Variants in USP19 observed in about 807,000 individuals in gnomAD.
The protein encoded by USP19 is ubiquitin carboxyl-terminal hydrolase 19.
USP19 carries 40 observed loss-of-function variants against 144.8 expected under a neutral mutation model. The ratio of observed to expected loss-of-function variants is 0.28; its 90% confidence interval spans 0.21 to 0.36. The LOEUF is 0.36. USP19 is among the 10% of genes least tolerant of loss of function. USP19 has a pLI of 1.00. For synonymous variants in USP19, 701 were observed against 709.3 expected (o/e 0.99, Z 0.19); for missense variants, 1,518 against 1,822.5 (o/e 0.83, Z 3.04).
rs756070696 is a variant in USP19, at chr3:49,112,302, C to T, written c.2747G>A (p.Arg916His). 5.6e-6 allele frequency: 9 copies of T among 1,611,446 alleles called. 1 individual carries two copies. The highest frequency in any genetic ancestry group is 5.9e-6 in the Non-Finnish European group (7 of 1,178,896). The change falls in exon 19 of 27, where the codon CGT becomes CAT. Residue 916 changes from arginine to histidine, a missense_variant. Arg to His is a conservative substitution (Grantham distance 29). This residue lies in a region of USP19 where 413 missense variants were observed against 515.8 expected (regional missense o/e 0.80). Transcript: ENST00000417901. The surrounding 1 kb of genome is among the most constrained non-coding windows in gnomAD (Gnocchi z 4.9). ...EKLKRCTRCY[R>H]VGYCNQLCQK... ...TCCTCACTGGTTGCAGTAGCCCACA[C>T]GGTAGCACCGGGTACAGCGCTTCAG... is the stretch of plus-strand genomic sequence containing the variant.
At position 49,108,435 on chromosome 3, in the gene USP19, T is replaced by C; in HGVS notation, c.4132A>G (p.Ser1378Gly). ...TGCTAATCCACCTCCTCCATGTTGC[T>C]GTAGGTGGGGGCTGGCCGATCCACA... ...PPVDRPAPTY[S>G]NMEEVD The change falls in exon 27 of 27, where the codon AGC (serine) becomes GGC (glycine). Residue 1378 changes from serine (S) to glycine (G), a missense_variant. This residue lies in a region of USP19 where 118 missense variants were observed against 100.2 expected (regional missense o/e 1.18). Coordinates refer to ENST00000417901, the MANE Select transcript of USP19 (RefSeq NM_001199161.2). The surrounding 1 kb of genome is among the most constrained non-coding windows in gnomAD (Gnocchi z 4.8). 1 of 1,386,992 alleles carries C rather than the reference T, an allele frequency of 7.2e-7. No individual in the cohort carries two copies. Among genetic ancestry groups the C allele is most frequent in the East Asian group, 3.1e-5 (1 of 32,210 alleles). 85.9% of individuals were successfully genotyped at this position (1,386,992 alleles called of 1,614,324 possible). A position where few individuals can be genotyped will look rare whatever the true frequency, so the allele number is the denominator to read the frequency against.
rs758698553 is a variant in USP19 at position 49,110,797 on chromosome 3, A to G, written c.3612T>C (p.Asn1204=). ...SKQLLLWRLP[N]VLIVQLKRFS... ...AGCGCTTGAGCTGCACGATGAGAACATTTGGCAGGCGCCATAGCAACAGCT... is the reference window on the plus strand; with the variant it reads ...AGCGCTTGAGCTGCACGATGAGAACGTTTGGCAGGCGCCATAGCAACAGCT... Residue 1204 remains asparagine, a synonymous_variant, in exon 24 of 27, where the codon AAT becomes AAC. Coordinates refer to ENST00000417901, the MANE Select transcript of USP19 (RefSeq NM_001199161.2). The surrounding 1 kb of genome is among the most constrained non-coding windows in gnomAD (Gnocchi z 6.1). 8.7e-6 allele frequency: 14 copies of G among 1,614,088 alleles called. No homozygotes were observed. The highest frequency in any genetic ancestry group is 1.2e-5 in the Non-Finnish European group (14 of 1,180,056).
Position 49,118,085 on chromosome 3 carries a change from C to A in USP19, c.160G>T (p.Glu54Ter). The A allele has an allele frequency of 6.6e-7, 1 of 1,507,980 alleles. No individual in the cohort carries two copies. Among genetic ancestry groups the A allele is most frequent in the South Asian group, 1.2e-5 (1 of 85,276 alleles). The allele number at this position is 1,507,980 out of a possible 1,614,324, so 93.4% of individuals were successfully genotyped here. A position where few individuals can be genotyped will look rare whatever the true frequency, so the allele number is the denominator to read the frequency against. Residue 54 changes from glutamate (E) to a stop codon, truncating the protein, a stop_gained, in exon 3 of 27, where the codon GAA becomes TAA. Transcript: ENST00000417901. LOFTEE classifies it high-confidence loss of function. The part of the protein sequence containing the change: ...GSRYVAQAGL[E>*]PLASGDPSAS... ...GAAGGATCACCTGAGGCCAGAGGTT[C>A]AAGACCAGCCTGGGCAACATATCGA...
chr3:49,108,821 G>C lies in USP19; in HGVS notation c.4039-293C>G. 1 of 1,444,924 alleles carries C rather than the reference G, an allele frequency of 6.9e-7. No homozygotes were observed. The highest frequency in any genetic ancestry group is 1.4e-5 in the African/African-American group (1 of 69,804). 89.5% of individuals were successfully genotyped at this position (1,444,924 alleles called of 1,614,324 possible). A position where few individuals can be genotyped will look rare whatever the true frequency, so the allele number is the denominator to read the frequency against. ...ACCCTAGGATACTCTGCCCCTGCAGGGGCCACAACCTCCCCACCCTCTCCC... is the reference window on the plus strand; with the variant it reads ...ACCCTAGGATACTCTGCCCCTGCAGCGGCCACAACCTCCCCACCCTCTCCC... On this transcript the variant is annotated intron_variant, in intron 26 of 26. Coordinates refer to ENST00000417901, the MANE Select transcript of USP19 (RefSeq NM_001199161.2). The surrounding 1 kb of genome is among the most constrained non-coding windows in gnomAD (Gnocchi z 4.8).
chr3:49,109,803 A>G lies in USP19; in HGVS notation c.4038+381T>C, dbSNP rs543576122. Among the ~76,000 whole-genome samples, 9 of 152,358 alleles carry G rather than the reference A, an allele frequency of 5.9e-5. No homozygotes were observed. In the East Asian group the frequency reaches 1.7e-3, roughly 29 times the overall value. ...CAAATAGGCCTTGTCTTGAGTGCACACTAGAACTCAGGGACATCACAAGTG... is the reference window on the plus strand; with the variant it reads ...CAAATAGGCCTTGTCTTGAGTGCACGCTAGAACTCAGGGACATCACAAGTG... On this transcript the variant is annotated intron_variant, in intron 26 of 26. Transcript: ENST00000417901.
chr3:49,116,204 C>A lies in USP19; in HGVS notation c.1356-42G>T. On this transcript the variant is annotated intron_variant, in intron 9 of 26. Coordinates refer to ENST00000417901, the MANE Select transcript of USP19 (RefSeq NM_001199161.2). This position sits in a 1 kb window ranked among gnomAD's most constrained non-coding sequence, Gnocchi z 5.0. Reference sequence around the variant, plus strand: ...AACTCAGGGACTTAGGAGGAATGAGCATCAGGATAGATGAGCCAGGGAGAT... The same window carrying A: ...AACTCAGGGACTTAGGAGGAATGAGAATCAGGATAGATGAGCCAGGGAGAT... The A allele has an allele frequency of 6.2e-7, 1 of 1,613,812 alleles. No individual in the cohort carries two copies. Among genetic ancestry groups the A allele is most frequent in the Non-Finnish European group, 8.5e-7 (1 of 1,179,860 alleles).
Position 49,112,267 on chromosome 3 carries a change from A to G in USP19, c.2765+17T>C. Reference sequence around the variant, plus strand: ...AAGGTGGAAAGAAAGGGTAGGGGAGACCATGGGGGTCCTCACTGGTTGCAG... The same window carrying G: ...AAGGTGGAAAGAAAGGGTAGGGGAGGCCATGGGGGTCCTCACTGGTTGCAG... On this transcript the variant is annotated intron_variant, in intron 19 of 26. Coordinates refer to ENST00000417901, the MANE Select transcript of USP19 (RefSeq NM_001199161.2). This position sits in a 1 kb window ranked among gnomAD's most constrained non-coding sequence, Gnocchi z 4.9. 6.3e-7 allele frequency: 1 copy of G among 1,595,390 alleles called. No homozygotes were observed. The highest frequency in any genetic ancestry group is 8.5e-7 in the Non-Finnish European group (1 of 1,171,228).
chr3:49,115,961 G>C lies in USP19; in HGVS notation c.1472-17C>G, dbSNP rs1480966538. ...CCACTGCACCTTAAAAAGGGGGAAT[G>C]AGAGGGCTGGTGGTTAGCAGCATGT... On this transcript the variant is annotated splice_polypyrimidine_tract_variant and intron_variant, in intron 10 of 26. Coordinates refer to ENST00000417901, the MANE Select transcript of USP19 (RefSeq NM_001199161.2). The surrounding 1 kb of genome is among the most constrained non-coding windows in gnomAD (Gnocchi z 6.6). 1.3e-6 allele frequency: 2 copies of C among 1,555,184 alleles called. No individual in the cohort carries two copies. The highest frequency in any genetic ancestry group is 2.4e-5 in the South Asian group (2 of 82,350).
In USP19 at chr3:49,117,859, C is replaced by A. The variant is rs1217637147; in HGVS notation, c.299-29G>T. The A allele has an allele frequency of 6.2e-7, 1 of 1,613,696 alleles. No individual in the cohort carries two copies. Among genetic ancestry groups the A allele is most frequent in the East Asian group, 2.2e-5 (1 of 44,882 alleles). Reference sequence around the variant, plus strand: ...ATGGTGATAAGCAGGTAACAGAGACCCAGCCTAATGAAACTGCTTCAGATG... The same window carrying A: ...ATGGTGATAAGCAGGTAACAGAGACACAGCCTAATGAAACTGCTTCAGATG... On this transcript the variant is annotated intron_variant, in intron 3 of 26. Transcript: ENST00000417901. The surrounding 1 kb of genome is among the most constrained non-coding windows in gnomAD (Gnocchi z 4.4).
At position 49,108,342 on chromosome 3, in the gene USP19, A is replaced by G; in HGVS notation, c.*70T>C. The G allele has an allele frequency of 3.9e-6, 2 of 510,680 alleles. No homozygotes were observed. The highest frequency in any genetic ancestry group is 3.3e-6 in the Non-Finnish European group (1 of 302,000). 31.6% of individuals were successfully genotyped at this position (510,680 alleles called of 1,614,324 possible). On this transcript the variant is annotated 3_prime_UTR_variant, in exon 27 of 27. Coordinates refer to ENST00000417901, the MANE Select transcript of USP19 (RefSeq NM_001199161.2). The surrounding 1 kb of genome is among the most constrained non-coding windows in gnomAD (Gnocchi z 4.8). The stretch of plus-strand genomic sequence containing the variant: ...CCAGTGTCCTCTGGGTTAGAGAAGG[A>G]GAAGCGGCAAGGAGCTGGCCCTCTG...
chr3:49,120,437 C>A (rs927641971), intron 1 of USP19: 2 of 152,172 alleles, frequency 1.3e-5, no homozygotes, highest in Non-Finnish European at 2.9e-5. Flanking sequence ...AGACCCGAGC[C>A]GGCCTGAAAT....
chr3:49,116,960 T>A lies in USP19; in HGVS notation c.910-17A>T. The A allele has an allele frequency of 4.3e-6, 7 of 1,610,564 alleles. No homozygotes were observed. The highest frequency in any genetic ancestry group is 5.9e-6 in the Non-Finnish European group (7 of 1,178,060). On this transcript the variant is annotated splice_polypyrimidine_tract_variant and intron_variant, in intron 6 of 26. Transcript: ENST00000417901. The surrounding 1 kb of genome is among the most constrained non-coding windows in gnomAD (Gnocchi z 5.0). ...AGCCTCAACCTATTAATGGCAAGAT[T>A]GTGGAAAGAATCAGCCCTGGGTCTG...
At position 49,120,748 on chromosome 3, in the gene USP19, C is replaced by T. The variant is rs2045117786; in HGVS notation, c.-137+8G>A. 4.6e-6 allele frequency: 1 copy of T among 218,524 alleles called. No homozygotes were observed. Among genetic ancestry groups the T allele is most frequent in the South Asian group, 6.1e-5 (1 of 16,486 alleles). 13.5% of individuals were successfully genotyped at this position (218,524 alleles called of 1,614,324 possible). Reference sequence around the variant, plus strand: ...CCAAGCCAGCGAGTTGCAGCCTGCTCCACTCACCGAGCGAGACCGCCGCAG... The same window carrying T: ...CCAAGCCAGCGAGTTGCAGCCTGCTTCACTCACCGAGCGAGACCGCCGCAG... On this transcript the variant is annotated splice_region_variant and intron_variant, in intron 1 of 26. Transcript: ENST00000417901.
At chr3:49,109,930 T>G (rs1010022365) in intron 26 of USP19, 6 of 368,372 alleles carry the variant, frequency 1.6e-5, no homozygotes, top group Non-Finnish European at 2.9e-5. Context: ...TCAGAGCAGT[T>G]GCCTGACCTG....
chr3:49,111,704 C>G lies in USP19; in HGVS notation c.3013G>C (p.Asp1005His). 1 of 1,592,304 alleles carries G rather than the reference C, an allele frequency of 6.3e-7. No individual in the cohort carries two copies. Among genetic ancestry groups the G allele is most frequent in the South Asian group, 1.1e-5 (1 of 87,938 alleles). Residue 1005 changes from aspartate to histidine, a missense_variant, in exon 21 of 27, where the codon GAC becomes CAC. Asp to His is a moderately conservative substitution (Grantham distance 81). Around this residue, in one of 5 missense-constraint regions of USP19, gnomAD observed 413 missense variants for 515.8 expected, o/e 0.80. Transcript: ENST00000417901. This position sits in a 1 kb window ranked among gnomAD's most constrained non-coding sequence, Gnocchi z 5.9. ...LLSTGSLEAG[D>H]SERDPIQPPE... The stretch of plus-strand genomic sequence containing the variant: ...GGCTGAATGGGGTCTCTCTCGCTGT[C>G]CCCAGCCTCCAGGGAACCTGTGGAG...
rs1401463470 is a variant in USP19 at position 49,114,848 on chromosome 3, C to T, written c.2207G>A (p.Arg736Gln). Residue 736 changes from arginine (R) to glutamine (Q), a missense_variant, in exon 15 of 27, where the codon CGG becomes CAG. Coordinates refer to ENST00000417901, the MANE Select transcript of USP19 (RefSeq NM_001199161.2). The surrounding 1 kb of genome is among the most constrained non-coding windows in gnomAD (Gnocchi z 4.5). ...GAAAGAGTCATTCCTCATCTTGTGCCGCTGCCATGCTTCCTCAGCTACCAC... is the reference window on the plus strand; with the variant it reads ...GAAAGAGTCATTCCTCATCTTGTGCTGCTGCCATGCTTCCTCAGCTACCAC... ...DEVVAEEAWQ[R>Q]HKMRNDSFIV... The T allele has an allele frequency of 3.7e-6, 6 of 1,613,994 alleles. No individual in the cohort carries two copies. The highest frequency in any genetic ancestry group is 2.7e-5 in the African/African-American group (2 of 74,880).
At position 49,114,044 on chromosome 3, in the gene USP19, T is replaced by C; in HGVS notation, c.2453A>G (p.Asp818Gly). 6.2e-7 allele frequency: 1 copy of C among 1,613,552 alleles called. No homozygotes were observed. The highest frequency in any genetic ancestry group is 8.5e-7 in the Non-Finnish European group (1 of 1,179,954). ...KENSTASEVL[D>G]SLSQSVHVKP... is the part of the protein sequence containing the mutation. ...CACATGAACACTCTGAGAGAGGGAG[T>C]CCAATACTTCGCTCGCAGTGGAGTT... is the stretch of plus-strand genomic sequence containing the variant. The change falls in exon 17 of 27, where the codon GAC becomes GGC. Residue 818 changes from aspartate to glycine, a missense_variant. Asp to Gly is a moderately conservative substitution (Grantham distance 94, BLOSUM62 -1). Around this residue, in one of 5 missense-constraint regions of USP19, gnomAD observed 413 missense variants for 515.8 expected, o/e 0.80. Transcript: ENST00000417901. The surrounding 1 kb of genome is among the most constrained non-coding windows in gnomAD (Gnocchi z 4.5).
rs1210472973 is a variant in USP19 at position 49,112,152 on chromosome 3, C to T, written c.2766-104G>A. 6.5e-7 allele frequency: 1 copy of T among 1,549,228 alleles called. No homozygotes were observed. The highest frequency in any genetic ancestry group is 1.9e-5 in the Admixed American group (1 of 52,168). On this transcript the variant is annotated intron_variant, in intron 19 of 26. Transcript: ENST00000417901. The surrounding 1 kb of genome is among the most constrained non-coding windows in gnomAD (Gnocchi z 4.9). Reference sequence around the variant, plus strand: ...TGGGAACTGGGTACGCCAGCCCTGCCTCCCCCAGAGCCTGGTAAAGTAGGG... The same window carrying T: ...TGGGAACTGGGTACGCCAGCCCTGCTTCCCCCAGAGCCTGGTAAAGTAGGG...
In USP19 at chr3:49,112,275, G is replaced by T. The variant is rs1387733226; in HGVS notation, c.2765+9C>A. On this transcript the variant is annotated intron_variant, in intron 19 of 26. Coordinates refer to ENST00000417901, the MANE Select transcript of USP19 (RefSeq NM_001199161.2). The surrounding 1 kb of genome is among the most constrained non-coding windows in gnomAD (Gnocchi z 4.9). ...AAGAAAGGGTAGGGGAGACCATGGG[G>T]GTCCTCACTGGTTGCAGTAGCCCAC... is the stretch of plus-strand genomic sequence containing the variant. 1 of 1,601,664 alleles carries T rather than the reference G, an allele frequency of 6.2e-7. No individual in the cohort carries two copies. Among genetic ancestry groups the T allele is most frequent in the South Asian group, 1.1e-5 (1 of 89,478 alleles).
Sources: gnomAD v4.1 joint callset for allele counts (sites outside exome capture counted in the v4.1 genomes callset) on GRCh38, gnomAD v4.1.1 for gene constraint, gnomAD v4.1.1 regional missense constraint, Gnocchi (gnomAD v3.1) non-coding constraint, MANE v1.5 for transcripts, NCBI Gene and HGNC (gene_info 2026-07-23, HGNC 2026-07-21) for gene names.